TBCE: variants seen among roughly 807,000 people sequenced by gnomAD.
TBCE encodes the protein tubulin-specific chaperone E.
In TBCE, 53 loss-of-function variants were observed where a neutral mutation model predicts 77.0. The observed-to-expected ratio is 0.69, with a 90% confidence interval of 0.55 to 0.87. The LOEUF is 0.87. Ranked by LOEUF, TBCE falls within the 40% of genes least tolerant of loss-of-function variation. The pLI is 0.00. For missense variants in TBCE, 624 were observed against 622.4 expected (o/e 1.00, Z -0.03); for synonymous variants, 235 against 241.3 (o/e 0.97, Z 0.24).
chr1:235,424,501 TG>T (rs1680589236), intron 5 of TBCE, among the ~76,000 whole-genome samples: 1 of 151,238 alleles, frequency 6.6e-6, no homozygotes, highest in Admixed American at 6.6e-5. Context: ...ATTTTGTTTT[TG>T]TTTTTTTTTT....
intron 1 of TBCE, among the ~76,000 whole-genome samples, chr1:235,379,114 TTAAC>T (rs1292149909): frequency 6.6e-6 from 1 of 152,214 alleles, no homozygotes; most frequent in Non-Finnish European, 1.5e-5. Context: ...TTCTTCTTTC[TTAAC>T]TATTATGTTT....
chr1:235,423,298 C>T (rs903347), intron 5 of TBCE, among the ~76,000 whole-genome samples: 98,779 of 151,748 alleles, frequency 0.65, 32,536 homozygotes, highest in African/African-American at 0.75. Flanking sequence ...GCTCCTTGAA[C>T]GGTGTGTGTG....
chr1:235,438,712 A>G (rs1232104008), intron 12 of TBCE, 57 bp from the exon 13 acceptor site: 15 of 1,611,266 alleles, frequency 9.3e-6, no homozygotes, highest in Non-Finnish European at 6.8e-6. Context: ...CAAAACGCAA[A>G]GGACATGTTA....
chr1:235,447,969 G>C (rs1682524054), intron 15 of TBCE, among the ~76,000 whole-genome samples: 1 of 152,140 alleles, frequency 6.6e-6, no homozygotes, highest in South Asian at 2.1e-4. Flanking sequence ...CCAGCACTTT[G>C]GGGGGCCAGG....
At chr1:235,367,840 G>T (rs1466655097) in intron 1 of TBCE, among the ~76,000 whole-genome samples, 1 of 152,202 alleles carries the variant, frequency 6.6e-6, no homozygotes, top group Admixed American at 6.6e-5. Context: ...TCGTCCTTCC[G>T]AATCAGTTAA....
In TBCE at chr1:235,414,679, A is replaced by G. The variant is rs1049987830; in HGVS notation, c.371+61A>G. 2.5e-5 allele frequency: 38 copies of G among 1,531,864 alleles called. No homozygotes were observed. In the African/African-American group the frequency reaches 5.1e-4, roughly 20 times the overall value. The allele number at this position is 1,531,864 out of a possible 1,614,324, so 94.9% of individuals were successfully genotyped here. A position where few individuals can be genotyped will look rare whatever the true frequency, so the allele number is the denominator to read the frequency against. ...TGGTTTTATTAAGGTTCAGAATTGA[A>G]ATACCCATGACTGTATATGGATGCT... On this transcript the variant is annotated intron_variant, in intron 4 of 16. Transcript: ENST00000642610.
chr1:235,397,139 T>C (rs1189719672), intron 2 of TBCE, among the ~76,000 whole-genome samples: 2 of 151,456 alleles, frequency 1.3e-5, no homozygotes, highest in East Asian at 1.9e-4. Context: ...CACGCCCAGC[T>C]AATTTTTGTA....
At chr1:235,369,659 TA>T (rs55928332) in intron 1 of TBCE, among the ~76,000 whole-genome samples, 27,768 of 151,544 alleles carry the variant, frequency 0.18, 3,047 homozygotes, top group African/African-American at 0.3. Context: ...CCGTCTCTAC[TA>T]AAAAAAAACA....
chr1:235,378,075 G>A (rs1013893192), intron 1 of TBCE, among the ~76,000 whole-genome samples: 11 of 152,102 alleles, frequency 7.2e-5, no homozygotes, highest in African/African-American at 2.7e-4. Context: ...ACCCCAGATG[G>A]CATGTAACAG....
chr1:235,450,360 G>A lies in TBCE; in HGVS notation c.*1598G>A. The stretch of plus-strand genomic sequence containing the variant: ...ACTGTCCTGTTGAGAAACAACCAAA[G>A]CCGATCTGAGAGTGGTGAAACTGTT... On this transcript the variant is annotated 3_prime_UTR_variant, in exon 17 of 17. Transcript: ENST00000642610. 1.2e-6 allele frequency: 2 copies of A among 1,612,624 alleles called. No homozygotes were observed. The highest frequency in any genetic ancestry group is 1.7e-6 in the Non-Finnish European group (2 of 1,178,866).
chr1:235,430,358 A>C (rs1418784176), intron 6 of TBCE: 1 of 235,372 alleles, frequency 4.2e-6, no homozygotes, highest in African/African-American at 2.3e-5. Context: ...GGAGAACGGG[A>C]CTTTGTTTTG....
At chr1:235,415,124 T>C (rs1680040502) in intron 4 of TBCE, 3 of 189,842 alleles carry the variant, frequency 1.6e-5, no homozygotes, top group South Asian at 2.1e-4. Context: ...TTTTGGGATA[T>C]GGGCTCTAAT....
chr1:235,441,204 G>T lies in TBCE; in HGVS notation c.1271-610G>T, dbSNP rs113026242. On this transcript the variant is annotated intron_variant, in intron 13 of 16. Transcript: ENST00000642610. ...AGACAAAAGCACAGATAGATGGGGG[G>T]ATTTAGAGAAATGTTGTCACTGTTT... is the stretch of plus-strand genomic sequence containing the variant. The T allele has an allele frequency of 6.6e-3, 1,015 of 153,984 alleles. 5 individuals are homozygous for T. The highest frequency in any genetic ancestry group is 0.012 in the Admixed American group (180 of 15,598). 9.5% of individuals were successfully genotyped at this position (153,984 alleles called of 1,614,324 possible).
chr1:235,397,293 C>A (rs988933715), intron 2 of TBCE, among the ~76,000 whole-genome samples: 1 of 151,052 alleles, frequency 6.6e-6, no homozygotes, highest in African/African-American at 2.4e-5. Context: ...GCTCCGCCTC[C>A]TGGGTTCACG....
At chr1:235,437,127 C>G (rs1245608210) in intron 11 of TBCE, among the ~76,000 whole-genome samples, 195 bp from the exon 12 acceptor site, 1 of 151,442 alleles carries the variant, frequency 6.6e-6, no homozygotes, top group Non-Finnish European at 1.5e-5. Context: ...AACTCCATCT[C>G]AAAAAACAAA....
rs1572476555 is a variant in TBCE at position 235,451,306 on chromosome 1, G to C, written c.*2544G>C. On this transcript the variant is annotated 3_prime_UTR_variant, in exon 17 of 17. Transcript: ENST00000642610. The stretch of plus-strand genomic sequence containing the variant: ...CTTGCACTTAGGTAGGTCTGGGGCT[G>C]GTAGTCAGTCTGTGTAAGCCCAACA... The C allele has an allele frequency of 6.6e-6, 1 of 152,176 alleles. No homozygotes were observed. The highest frequency in any genetic ancestry group is 1.5e-5 in the Non-Finnish European group (1 of 68,026). The allele number at this position is 152,176 out of a possible 1,614,324, so 9.4% of individuals were successfully genotyped here.
Position 235,406,064 on chromosome 1 carries a change from C to T in TBCE, c.185+4477C>T, listed in dbSNP as rs902074148. 1.1e-4 allele frequency among the ~76,000 whole-genome samples: 17 copies of T among 152,292 alleles called. No homozygotes were observed. The East Asian group carries it at 2.5e-3, about 22-fold the overall frequency. On this transcript the variant is annotated intron_variant, in intron 3 of 16. Coordinates refer to ENST00000642610, the MANE Select transcript of TBCE (RefSeq NM_003193.5). ...CCTAAACATTTACATAATTGAAGTA[C>T]ATATTATCTTATTATAAATAACTTT...
At chr1:235,379,946 TCA>T in intron 1 of TBCE, 71 bp from the exon 2 acceptor site, 1 of 607,462 alleles carries the variant, frequency 1.6e-6, no homozygotes, top group Non-Finnish European at 2.6e-6. Context: ...AGACTGTGCC[TCA>T]AAAAAAAAAA....
chr1:235,379,403 C>T (rs893315077), intron 1 of TBCE, among the ~76,000 whole-genome samples: 2 of 152,008 alleles, frequency 1.3e-5, no homozygotes, highest in African/African-American at 4.8e-5. Flanking sequence ...GTGGTGGGTG[C>T]TGTAATCCCA....
Sources: allele counts gnomAD v4.1 joint callset (sites outside exome capture counted in the v4.1 genomes callset), GRCh38; gene constraint gnomAD v4.1.1; transcripts MANE v1.5; gene names NCBI Gene and HGNC (gene_info 2026-07-23, HGNC 2026-07-21).